Variants in PCCA observed in about 807,000 individuals in gnomAD.
PCCA encodes propionyl-CoA carboxylase subunit alpha, also known as propionyl-CoA carboxylase alpha chain, mitochondrial.
Under a neutral mutation model 101.3 loss-of-function variants are expected in PCCA, and 74 were observed. The ratio of observed to expected loss-of-function variants is 0.73; its 90% confidence interval spans 0.61 to 0.89. PCCA has a LOEUF of 0.89. Ranked by LOEUF, PCCA falls within the 40% of genes least tolerant of loss-of-function variation. The probability of loss-of-function intolerance (pLI) is 0.00; values close to 1 mark genes in which losing one functional copy is unlikely to be tolerated. For missense variants in PCCA, 891 were observed against 907.0 expected (o/e 0.98, Z 0.23); for synonymous variants, 294 against 313.6 (o/e 0.94, Z 0.66).
intron 21 of PCCA, among the ~76,000 whole-genome samples, chr13:100,465,614 A>G (rs961475539): frequency 6.6e-6 from 1 of 152,254 alleles, no homozygotes; most frequent in Non-Finnish European, 1.5e-5. Flanking sequence ...CAGTATTAAC[A>G]TTTTGGACAA....
At chr13:100,313,370 A>G (rs1408753643) in intron 16 of PCCA, among the ~76,000 whole-genome samples, 1 of 152,216 alleles carries the variant, frequency 6.6e-6, no homozygotes, top group Non-Finnish European at 1.5e-5. Context: ...TAAATGGGAG[A>G]CTGAAGTTTT....
chr13:100,467,972 A>G (rs1160162782), intron 21 of PCCA, among the ~76,000 whole-genome samples: 1 of 152,252 alleles, frequency 6.6e-6, no homozygotes, highest in Non-Finnish European at 1.5e-5. Context: ...TTCTGAAATA[A>G]TAAGACTTAA....
intron 20 of PCCA, among the ~76,000 whole-genome samples, chr13:100,434,646 C>T (rs2079799297): frequency 6.6e-6 from 1 of 152,170 alleles, no homozygotes; most frequent in Non-Finnish European, 1.5e-5. Context: ...ACTGTGTTGA[C>T]TCTGAATGTT....
intron 17 of PCCA, among the ~76,000 whole-genome samples, chr13:100,335,474 C>A (rs1366438568): frequency 1.3e-5 from 2 of 152,140 alleles, no homozygotes; most frequent in Non-Finnish European, 2.9e-5. Flanking sequence ...ACTGCAGAAC[C>A]CTTCAGAAGT....
At chr13:100,447,239 C>T (rs533808234) in intron 20 of PCCA, among the ~76,000 whole-genome samples, 148 of 151,832 alleles carry the variant, frequency 9.7e-4, no homozygotes, top group African/African-American at 3.5e-3. Context: ...AAAAAATTAG[C>T]CGGGCATGGT....
intron 7 of PCCA, among the ~76,000 whole-genome samples, chr13:100,226,604 A>G (rs1039069738): frequency 1.3e-5 from 2 of 152,180 alleles, no homozygotes; most frequent in Non-Finnish European, 2.9e-5. Flanking sequence ...CCGAGTTCGT[A>G]GATCGTCTGA....
chr13:100,183,552 T>C (rs965589919), intron 6 of PCCA, among the ~76,000 whole-genome samples: 10 of 152,156 alleles, frequency 6.6e-5, no homozygotes, highest in African/African-American at 1.9e-4. Flanking sequence ...GGAGGAGATG[T>C]GCCCAGAAAG....
At chr13:100,421,837 A>G (rs898211669) in intron 19 of PCCA, among the ~76,000 whole-genome samples, 1 of 151,872 alleles carries the variant, frequency 6.6e-6, no homozygotes, top group Non-Finnish European at 1.5e-5. Flanking sequence ...GGCACCCACT[A>G]CCATGCCCGG....
chr13:100,179,570 CTT>C (rs1168903362), intron 6 of PCCA, among the ~76,000 whole-genome samples: 1 of 152,160 alleles, frequency 6.6e-6, no homozygotes, highest in Non-Finnish European at 1.5e-5. Flanking sequence ...CTGTTTGCCT[CTT>C]TGCATGCAGC....
At chr13:100,493,399 G>T (rs117300908) in intron 21 of PCCA, among the ~76,000 whole-genome samples, 3,688 of 152,278 alleles carry the variant, frequency 0.024, 86 homozygotes, top group Middle Eastern at 0.078. Context: ...GAGGCCACTA[G>T]AATAGTCTCT....
intron 12 of PCCA, among the ~76,000 whole-genome samples, chr13:100,297,200 T>G (rs976068971): frequency 1.3e-5 from 2 of 152,206 alleles, no homozygotes; most frequent in Non-Finnish European, 2.9e-5. Flanking sequence ...AGGAGGTATC[T>G]CTGGCGTTTC....
intron 6 of PCCA, among the ~76,000 whole-genome samples, chr13:100,170,139 C>T (rs911318223): frequency 6.6e-6 from 1 of 152,176 alleles, no homozygotes; most frequent in East Asian, 1.9e-4. Context: ...TGAGAAGCAT[C>T]CTTGTGCTTT....
chr13:100,388,645 A>G (rs1033521119), intron 19 of PCCA, among the ~76,000 whole-genome samples: 1 of 152,098 alleles, frequency 6.6e-6, no homozygotes, highest in African/African-American at 2.4e-5. Flanking sequence ...AAGATGCAAA[A>G]ATTAGCCAGG....
At position 100,379,337 on chromosome 13, in the gene PCCA, G is replaced by A. The variant is rs527464744; in HGVS notation, c.1746+10763G>A. Among the ~76,000 whole-genome samples, 4 of 152,306 alleles carry A rather than the reference G, an allele frequency of 2.6e-5. No homozygotes were observed. The East Asian group carries it at 7.7e-4, about 29-fold the overall frequency. ...CCTAATGGTGGTAGTGGTGGGCTGA[G>A]TATGTCTGTCCTTGGGCCCCGGGGT... On this transcript the variant is annotated intron_variant, in intron 19 of 23. Transcript: ENST00000376285.
chr13:100,467,257 C>G (rs1482358582), intron 21 of PCCA, among the ~76,000 whole-genome samples: 1 of 152,164 alleles, frequency 6.6e-6, no homozygotes, highest in Non-Finnish European at 1.5e-5. Context: ...TTTGATGGGA[C>G]AAAACCAGTT....
chr13:100,321,113 G>C (rs2067990762), intron 16 of PCCA, among the ~76,000 whole-genome samples: 1 of 152,112 alleles, frequency 6.6e-6, no homozygotes, highest in Non-Finnish European at 1.5e-5. Context: ...TCCCAGCCAG[G>C]AAAATCTGTG....
At chr13:100,170,695 T>C (rs944752293) in intron 6 of PCCA, among the ~76,000 whole-genome samples, 1 of 152,240 alleles carries the variant, frequency 6.6e-6, no homozygotes, top group Non-Finnish European at 1.5e-5. Context: ...ATAAAAATAA[T>C]GTGTTGTATT....
At chr13:100,529,667 T>G (rs2088210067) in intron 23 of PCCA, among the ~76,000 whole-genome samples, 1 of 152,116 alleles carries the variant, frequency 6.6e-6, no homozygotes. Context: ...GTGTGTTTTG[T>G]TCCTTTTTTT....
At chr13:100,418,939 G>A (rs1296498178) in intron 19 of PCCA, among the ~76,000 whole-genome samples, 5 of 151,736 alleles carry the variant, frequency 3.3e-5, no homozygotes, top group South Asian at 2.1e-4. Flanking sequence ...TTCAAGAGCC[G>A]GCCTCCCCTT....
Sources: allele counts gnomAD v4.1 joint callset (sites outside exome capture counted in the v4.1 genomes callset), GRCh38; gene constraint gnomAD v4.1.1; transcripts MANE v1.5; gene names NCBI Gene and HGNC (gene_info 2026-07-23, HGNC 2026-07-21).